CUEDC1: variants seen among roughly 807,000 people sequenced by gnomAD.
The protein encoded by CUEDC1 is CUE domain-containing protein 1.
In CUEDC1, 30 loss-of-function variants were observed where a neutral mutation model predicts 43.7. The ratio of observed to expected loss-of-function variants is 0.69; its 90% confidence interval spans 0.51 to 0.93. The LOEUF is 0.93. Among genes scored for constraint, CUEDC1 ranks in the 40% least tolerant of loss-of-function variants. The pLI, the probability that CUEDC1 is intolerant of heterozygous loss-of-function variation, is 0.00. For synonymous variants in CUEDC1, 223 were observed against 223.6 expected (o/e 1.00, Z 0.02); for missense variants, 486 against 549.0 (o/e 0.89, Z 1.15).
chr17:57,872,907 C>G, intron 4 of CUEDC1, 52 bp from the exon 5 acceptor site: 1 of 1,493,370 alleles, frequency 6.7e-7, no homozygotes, highest in Non-Finnish European at 9.2e-7. Context: ...GTACATGTTG[C>G]ACAAACGTCC....
intron 1 of CUEDC1, among the ~76,000 whole-genome samples, chr17:57,893,145 C>A (rs1390322273): frequency 1.3e-5 from 2 of 152,196 alleles, no homozygotes; most frequent in East Asian, 3.8e-4. Context: ...GCTTGTGTAA[C>A]CATGGTTGAG....
rs1715607882 is a variant in CUEDC1 at position 57,955,006 on chromosome 17, GGCGGGCGGGGACCTGCCGCAC to G, written c.-316+198_-316+218del. Reference sequence around the variant, plus strand: ...ATGAGGTGGGGGCTCGGGAAGGAAGGGCGGGCGGGGACCTGCCGCACGCGGAGCTCCCGGGGAGCCGCGCCG... The same window carrying G: ...ATGAGGTGGGGGCTCGGGAAGGAAGGGCGGAGCTCCCGGGGAGCCGCGCCG... On this transcript the variant is annotated intron_variant, in intron 1 of 10. Transcript: ENST00000577830. This position sits in a 1 kb window ranked among gnomAD's most constrained non-coding sequence, Gnocchi z 5.3. Among the ~76,000 whole-genome samples the G allele has an allele frequency of 6.6e-6, 1 of 151,514 alleles. No homozygotes were observed. Among genetic ancestry groups the G allele is most frequent in the East Asian group, 1.9e-4 (1 of 5,136 alleles).
chr17:57,944,241 G>A (rs2074941733), intron 1 of CUEDC1, among the ~76,000 whole-genome samples: 3 of 139,432 alleles, frequency 2.2e-5, no homozygotes, highest in African/African-American at 8.0e-5. Flanking sequence ...ACGGAGCTTC[G>A]CTCTTGTTGC....
At chr17:57,888,191 C>T (rs985133585) in intron 1 of CUEDC1, among the ~76,000 whole-genome samples, 9 of 152,222 alleles carry the variant, frequency 5.9e-5, no homozygotes, top group African/African-American at 1.9e-4. Context: ...GCGTGAGCCA[C>T]TGCGCCCGGC....
intron 5 of CUEDC1, 69 bp downstream of exon 5, chr17:57,872,594 G>A: frequency 1.3e-6 from 2 of 1,564,164 alleles, no homozygotes; most frequent in Non-Finnish European, 1.7e-6. Flanking sequence ...GTTTTCCTGA[G>A]CCCCAAGGCT....
At chr17:57,875,193 A>T (rs2074100479) in intron 3 of CUEDC1, among the ~76,000 whole-genome samples, 1 of 152,140 alleles carries the variant, frequency 6.6e-6, no homozygotes, top group Admixed American at 6.5e-5. Context: ...TACAGCAGGG[A>T]GGGACCCTCG....
At chr17:57,874,888 G>A (rs1161128677) in intron 3 of CUEDC1, among the ~76,000 whole-genome samples, 1 of 152,120 alleles carries the variant, frequency 6.6e-6, no homozygotes, top group Non-Finnish European at 1.5e-5. Context: ...GGGCGGGGGC[G>A]GCAGCAGAAG....
At chr17:57,924,960 AGAGCCACAG>A (rs568164768) in intron 1 of CUEDC1, among the ~76,000 whole-genome samples, 148 of 152,362 alleles carry the variant, frequency 9.7e-4, no homozygotes, top group African/African-American at 3.5e-3. Flanking sequence ...TCAGCATAGC[AGAGCCACAG>A]GATGAAACAC....
At chr17:57,867,762 G>A (rs953992362) in intron 8 of CUEDC1, 5 of 473,104 alleles carry the variant, frequency 1.1e-5, no homozygotes, top group African/African-American at 9.6e-5. Context: ...GAGGAAGGGA[G>A]GGCCAACATG....
intron 1 of CUEDC1, among the ~76,000 whole-genome samples, chr17:57,933,403 C>T (rs200049745): frequency 6.6e-6 from 1 of 152,166 alleles, no homozygotes; most frequent in East Asian, 1.9e-4. Context: ...AAGCTGTATG[C>T]AGTGCCTCTT....
intron 3 of CUEDC1, among the ~76,000 whole-genome samples, chr17:57,875,004 G>T (rs1269786489): frequency 6.6e-6 from 1 of 152,130 alleles, no homozygotes; most frequent in Non-Finnish European, 1.5e-5. Context: ...GACACAGGGG[G>T]AGAGGGAATG....
At chr17:57,921,701 G>A (rs1198760624) in intron 1 of CUEDC1, among the ~76,000 whole-genome samples, 1 of 152,056 alleles carries the variant, frequency 6.6e-6, no homozygotes, top group African/African-American at 2.4e-5. Flanking sequence ...TGCTTTCATG[G>A]CTTTCTACCA....
At chr17:57,865,300 G>A (rs888760202) in intron 10 of CUEDC1, among the ~76,000 whole-genome samples, 1 of 152,226 alleles carries the variant, frequency 6.6e-6, no homozygotes, top group African/African-American at 2.4e-5. Context: ...AGGGGCTGCA[G>A]TGCCTGGTGG....
intron 6 of CUEDC1, among the ~76,000 whole-genome samples, chr17:57,870,198 C>T (rs1002446319): frequency 1.3e-5 from 2 of 152,234 alleles, no homozygotes; most frequent in African/African-American, 4.8e-5. Context: ...GGGCAGGGGG[C>T]ACTGACTGAT....
At chr17:57,923,962 TC>T (rs1401394656) in intron 1 of CUEDC1, among the ~76,000 whole-genome samples, 3 of 152,154 alleles carry the variant, frequency 2.0e-5, no homozygotes, top group African/African-American at 7.2e-5. Context: ...CTAAAGCCTG[TC>T]CAATACTTCC....
At chr17:57,913,554 C>A (rs964492363) in intron 1 of CUEDC1, among the ~76,000 whole-genome samples, 1 of 152,090 alleles carries the variant, frequency 6.6e-6, no homozygotes, top group African/African-American at 2.4e-5. Context: ...TCCCCAAGAT[C>A]CCAAGTAAGT....
chr17:57,929,862 C>T (rs576490002), intron 1 of CUEDC1, among the ~76,000 whole-genome samples: 7 of 152,098 alleles, frequency 4.6e-5, no homozygotes, highest in Non-Finnish European at 8.8e-5. Flanking sequence ...AGTGCAGTGG[C>T]GCGATCTTGG....
intron 1 of CUEDC1, among the ~76,000 whole-genome samples, chr17:57,886,757 A>T (rs187416921): frequency 1.3e-5 from 2 of 151,448 alleles, no homozygotes; most frequent in African/African-American, 4.8e-5. Context: ...ATTTTTAAAA[A>T]TTCTAGAAGT....
intron 1 of CUEDC1, among the ~76,000 whole-genome samples, chr17:57,888,573 T>C (rs1304422375): frequency 6.6e-6 from 1 of 152,184 alleles, no homozygotes. Context: ...CATAGCCGGC[T>C]TTAGACACCC....
Sources: gnomAD v4.1 joint callset for allele counts (sites outside exome capture counted in the v4.1 genomes callset) on GRCh38, gnomAD v4.1.1 for gene constraint, Gnocchi (gnomAD v3.1) non-coding constraint, MANE v1.5 for transcripts, NCBI Gene and HGNC (gene_info 2026-07-23, HGNC 2026-07-21) for gene names.